PKNOX2: variants seen among roughly 807,000 people sequenced by gnomAD.
PKNOX2 encodes homeobox protein PKNOX2.
Under a neutral mutation model 53.1 loss-of-function variants are expected in PKNOX2, and 14 were observed. That is an observed-to-expected ratio of 0.26 (90% CI 0.17 to 0.41). The LOEUF is 0.41. Ranked by LOEUF, PKNOX2 falls within the 10% of genes least tolerant of loss-of-function variation. The pLI, the probability that PKNOX2 is intolerant of heterozygous loss-of-function variation, is 1.00. For missense variants in PKNOX2, 496 were observed against 602.8 expected (o/e 0.82, Z 1.85); for synonymous variants, 257 against 242.8 (o/e 1.06, Z -0.54).
chr11:125,428,942 G>A (rs1591570372), intron 10 of PKNOX2, 70 bp from the exon 11 acceptor site: 6 of 1,499,466 alleles, frequency 4.0e-6, no homozygotes, highest in East Asian at 4.5e-5. Context: ...CCCATGGCGT[G>A]GGCACAGTCC....
intron 2 of PKNOX2, among the ~76,000 whole-genome samples, chr11:125,254,479 C>T (rs1203378492): frequency 6.6e-6 from 1 of 152,234 alleles, no homozygotes; most frequent in African/African-American, 2.4e-5. Context: ...GTCTTGAGGC[C>T]TGATCACTAA....
At chr11:125,262,518 T>C (rs1944940221) in intron 2 of PKNOX2, among the ~76,000 whole-genome samples, 1 of 152,018 alleles carries the variant, frequency 6.6e-6, no homozygotes, top group Non-Finnish European at 1.5e-5. Context: ...CTCAGGGAGC[T>C]TGAGGCATTG....
At chr11:125,226,054 C>T (rs1397451142) in intron 1 of PKNOX2, among the ~76,000 whole-genome samples, 1 of 152,232 alleles carries the variant, frequency 6.6e-6, no homozygotes, top group African/African-American at 2.4e-5. Context: ...CAGAATTTCT[C>T]TTGCTTCCTG....
intron 10 of PKNOX2, among the ~76,000 whole-genome samples, chr11:125,419,439 C>G (rs1956054592): frequency 8.0e-6 from 1 of 125,766 alleles, no homozygotes; most frequent in Non-Finnish European, 1.7e-5. Flanking sequence ...AGCAAGAACC[C>G]CTGAAAAAAA....
intron 3 of PKNOX2, among the ~76,000 whole-genome samples, chr11:125,346,199 G>A (rs1950961357): frequency 6.6e-6 from 1 of 151,748 alleles, no homozygotes; most frequent in Non-Finnish European, 1.5e-5. Flanking sequence ...GGGGGTGGAG[G>A]GGTAACCTGG....
intron 2 of PKNOX2, among the ~76,000 whole-genome samples, chr11:125,305,655 A>C (rs1476492302): frequency 1.3e-5 from 2 of 152,184 alleles, no homozygotes; most frequent in Admixed American, 1.3e-4. Context: ...GGTGTCTTGC[A>C]TGGTCAGGAG....
At position 125,313,973 on chromosome 11, in the gene PKNOX2, C is replaced by T. The variant is rs543701378; in HGVS notation, c.-129-17846C>T. ...CCCTGTGAGTTCTGTGTGTAAAGCA[C>T]TGGGCACAATGCCAGGCACACAAGT... On this transcript the variant is annotated intron_variant, in intron 2 of 12. Coordinates refer to ENST00000298282, the MANE Select transcript of PKNOX2 (RefSeq NM_001382323.2). Among the ~76,000 whole-genome samples, 107 of 152,280 alleles carry T rather than the reference C, an allele frequency of 7.0e-4. 1 individual carries two copies. Among genetic ancestry groups the T allele is most frequent in the African/African-American group, 2.5e-3 (102 of 41,562 alleles).
intron 10 of PKNOX2, among the ~76,000 whole-genome samples, chr11:125,418,264 A>G (rs1955993645): frequency 6.6e-6 from 1 of 152,046 alleles, no homozygotes; most frequent in African/African-American, 2.4e-5. Context: ...TTTACTTAGG[A>G]CAATGTATCA....
In PKNOX2 at chr11:125,366,224, T is replaced by C. The variant is rs80012265; in HGVS notation, c.88-1622T>C. Among the ~76,000 whole-genome samples, 450 of 152,274 alleles carry C rather than the reference T, an allele frequency of 3.0e-3. 3 individuals carry two copies. The highest frequency in any genetic ancestry group is 9.2e-3 in the African/African-American group (384 of 41,548). On this transcript the variant is annotated intron_variant, in intron 4 of 12. Coordinates refer to ENST00000298282, the MANE Select transcript of PKNOX2 (RefSeq NM_001382323.2). ...GTCAAAGGCTAATAGGGGAAAACAG[T>C]AGGACTCAAGCAATTGTCTTCTGGC...
chr11:125,262,270 G>T (rs1944917492), intron 2 of PKNOX2, among the ~76,000 whole-genome samples: 1 of 152,146 alleles, frequency 6.6e-6, no homozygotes, highest in Non-Finnish European at 1.5e-5. Flanking sequence ...CGGAAGGAGT[G>T]ATGACTCTGG....
intron 3 of PKNOX2, among the ~76,000 whole-genome samples, chr11:125,350,728 T>C (rs797009479): frequency 1.3e-5 from 2 of 152,040 alleles, no homozygotes; most frequent in Admixed American, 1.3e-4. Context: ...GTCCAGGCCG[T>C]CCTCCGTCTC....
At chr11:125,341,386 G>A (rs1384561687) in intron 3 of PKNOX2, among the ~76,000 whole-genome samples, 1 of 151,638 alleles carries the variant, frequency 6.6e-6, no homozygotes, top group African/African-American at 2.4e-5. Flanking sequence ...AAGAAAAAAA[G>A]GAGTTAAGCC....
chr11:125,311,617 T>C (rs1212895778), intron 2 of PKNOX2, among the ~76,000 whole-genome samples: 1 of 152,174 alleles, frequency 6.6e-6, no homozygotes, highest in Non-Finnish European at 1.5e-5. Flanking sequence ...TATAAATTCC[T>C]TATGAAGGGC....
chr11:125,348,749 G>A (rs1001457294), intron 3 of PKNOX2, among the ~76,000 whole-genome samples: 28 of 152,198 alleles, frequency 1.8e-4, no homozygotes, highest in Admixed American at 5.2e-4. Context: ...AATGAAAGGC[G>A]CCTCTCTGTA....
rs1285632000 is a variant in PKNOX2 at position 125,166,942 on chromosome 11, G to T, written c.-201+2166G>T. On this transcript the variant is annotated intron_variant, in intron 1 of 12. Coordinates refer to ENST00000298282, the MANE Select transcript of PKNOX2 (RefSeq NM_001382323.2). This position sits in a 1 kb window ranked among gnomAD's most constrained non-coding sequence, Gnocchi z 4.0. ...CCCCGCCCCAAATCTGAGAATGATG[G>T]TGTTCAAACATAACACGGTGTATTA... Among the ~76,000 whole-genome samples the T allele has an allele frequency of 6.6e-6, 1 of 152,174 alleles. No individual in the cohort carries two copies. The highest frequency in any genetic ancestry group is 1.5e-5 in the Non-Finnish European group (1 of 68,028).
intron 5 of PKNOX2, among the ~76,000 whole-genome samples, chr11:125,371,068 T>C (rs1032600604): frequency 2.0e-5 from 3 of 152,094 alleles, no homozygotes; most frequent in Non-Finnish European, 4.4e-5. Flanking sequence ...GTTAATGAAA[T>C]GTACTGGTTC....
intron 6 of PKNOX2, among the ~76,000 whole-genome samples, chr11:125,393,704 C>A (rs1291263317): frequency 1.3e-5 from 2 of 152,014 alleles, no homozygotes; most frequent in Non-Finnish European, 2.9e-5. Flanking sequence ...GGGGGCTGTG[C>A]CAGGAGTGAG....
intron 4 of PKNOX2, among the ~76,000 whole-genome samples, chr11:125,356,902 A>G (rs1951649222): frequency 1.3e-5 from 2 of 152,266 alleles, no homozygotes; most frequent in East Asian, 3.8e-4. Flanking sequence ...AAGTGGGTTC[A>G]GATGTTTTCA....
Position 125,166,997 on chromosome 11 carries a change from C to G in PKNOX2, c.-201+2221C>G, listed in dbSNP as rs1402395479. On this transcript the variant is annotated intron_variant, in intron 1 of 12. Transcript: ENST00000298282. This position sits in a 1 kb window ranked among gnomAD's most constrained non-coding sequence, Gnocchi z 4.0. ...AAGCCCCTGCCCTTGCCCTCCTGCT[C>G]TCTCTGCCGTTCTGGCCTTCGGAGG... Among the ~76,000 whole-genome samples, 3 of 152,156 alleles carry G rather than the reference C, an allele frequency of 2.0e-5. No individual in the cohort carries two copies. The highest frequency in any genetic ancestry group is 7.2e-5 in the African/African-American group (3 of 41,434).
Sources: allele counts gnomAD v4.1 joint callset (sites outside exome capture counted in the v4.1 genomes callset), GRCh38; gene constraint gnomAD v4.1.1; non-coding constraint Gnocchi (gnomAD v3.1); transcripts MANE v1.5; gene names NCBI Gene and HGNC (gene_info 2026-07-23, HGNC 2026-07-21).